The following BTBD10 variants were observed in gnomAD, a reference collection of about 807,000 sequenced individuals.
The protein encoded by BTBD10 is BTB/POZ domain-containing protein 10.
Under a neutral mutation model 53.2 loss-of-function variants are expected in BTBD10, and 21 were observed. The observed-to-expected ratio is 0.39, with a 90% confidence interval of 0.28 to 0.57. BTBD10 has a LOEUF of 0.57. BTBD10 is among the 20% of genes least tolerant of loss of function. The probability of loss-of-function intolerance (pLI) is 0.53; values close to 1 mark genes in which losing one functional copy is unlikely to be tolerated. For missense variants in BTBD10, 360 were observed against 594.7 expected, an observed-to-expected ratio of 0.61 and a Z score of 4.10; for synonymous variants, 149 against 192.7, an observed-to-expected ratio of 0.77 and a Z score of 1.88.
intron 2 of BTBD10, among the ~76,000 whole-genome samples, chr11:13,435,569 T>C (rs1003810663): frequency 1.3e-5 from 2 of 152,190 alleles, no homozygotes; most frequent in African/African-American, 4.8e-5. Context: ...CTCGGCTCAC[T>C]GCAACCTCCA....
At chr11:13,458,950 C>T (rs1322189618) in intron 1 of BTBD10, among the ~76,000 whole-genome samples, 1 of 151,938 alleles carries the variant, frequency 6.6e-6, no homozygotes, top group African/African-American at 2.4e-5. Flanking sequence ...TGTATGCCAC[C>T]CAAAAACAAG....
chr11:13,427,543 CCT>C (rs775678661), intron 2 of BTBD10, among the ~76,000 whole-genome samples: 90 of 152,218 alleles, frequency 5.9e-4, no homozygotes, highest in Admixed American at 8.5e-4. Flanking sequence ...GATTTCATCA[CCT>C]CTCTCACAAT....
chr11:13,391,916 C>G (rs1949417354), intron 8 of BTBD10, among the ~76,000 whole-genome samples: 1 of 152,208 alleles, frequency 6.6e-6, no homozygotes, highest in Non-Finnish European at 1.5e-5. Flanking sequence ...CGCATTCCAG[C>G]CTGGTGACAG....
chr11:13,445,144 C>T lies in BTBD10; in HGVS notation c.-20G>A. 3 of 1,578,802 alleles carry T rather than the reference C, an allele frequency of 1.9e-6. No individual in the cohort carries two copies. Among genetic ancestry groups the T allele is most frequent in the Non-Finnish European group, 2.6e-6 (3 of 1,148,300 alleles). On this transcript the variant is annotated 5_prime_UTR_variant, in exon 2 of 9. The change creates a new upstream start codon in the 5' untranslated region. Transcript: ENST00000278174. The stretch of plus-strand genomic sequence containing the variant: ...TGCCATCCCACTCCAAGCTTCCTCA[C>T]ACTACTGCTCTGAAAGCACACATGT...
chr11:13,402,381 T>C (rs923833701), intron 8 of BTBD10, among the ~76,000 whole-genome samples: 5 of 152,182 alleles, frequency 3.3e-5, no homozygotes, highest in African/African-American at 1.2e-4. Context: ...CATTCTATCC[T>C]TACAAAAACC....
At chr11:13,445,579 T>C (rs985979239) in intron 1 of BTBD10, among the ~76,000 whole-genome samples, 1 of 152,222 alleles carries the variant, frequency 6.6e-6, no homozygotes. Context: ...AAGTTTAAGA[T>C]GCTTAGGAAA....
At chr11:13,460,449 T>C (rs1248751391) in intron 1 of BTBD10, among the ~76,000 whole-genome samples, 1 of 152,134 alleles carries the variant, frequency 6.6e-6, no homozygotes, top group Non-Finnish European at 1.5e-5. Flanking sequence ...ATAACCCAAC[T>C]AGGTATGAAT....
intron 5 of BTBD10, among the ~76,000 whole-genome samples, chr11:13,414,821 C>A (rs539990658): frequency 8.1e-6 from 1 of 123,504 alleles, no homozygotes; most frequent in East Asian, 2.5e-4. Flanking sequence ...GCCTGGGCGA[C>A]GGAGCGAGCC....
rs543086677 is a variant in BTBD10, at chr11:13,416,345, C to T, written c.687+813G>A. 2.6e-5 allele frequency among the ~76,000 whole-genome samples: 4 copies of T among 152,018 alleles called. No individual in the cohort carries two copies. The South Asian group carries it at 6.2e-4, about 24-fold the overall frequency. ...CTGCAGCCTTGGCAACACAGTGAGA[C>T]CCTGTCTGGGGCAAAAAACAACAAC... is the stretch of plus-strand genomic sequence containing the variant. On this transcript the variant is annotated intron_variant, in intron 5 of 8. Transcript: ENST00000278174.
At chr11:13,391,960 TAGAC>T (rs898587527) in intron 8 of BTBD10, among the ~76,000 whole-genome samples, 12 of 151,988 alleles carry the variant, frequency 7.9e-5, no homozygotes, top group Admixed American at 1.3e-4. Flanking sequence ...GATAAATAGA[TAGAC>T]AGAAGACAGA....
intron 8 of BTBD10, among the ~76,000 whole-genome samples, chr11:13,392,008 T>C (rs1442914626): frequency 3.3e-5 from 5 of 152,186 alleles, no homozygotes; most frequent in African/African-American, 1.2e-4. Context: ...TGCCCCTGAC[T>C]TGCAGATTTA....
At chr11:13,454,993 C>G (rs1033497817) in intron 1 of BTBD10, among the ~76,000 whole-genome samples, 4 of 152,188 alleles carry the variant, frequency 2.6e-5, no homozygotes, top group African/African-American at 9.7e-5. Flanking sequence ...TCACTGCAAC[C>G]TCTGCCTCCC....
intron 4 of BTBD10, among the ~76,000 whole-genome samples, chr11:13,417,849 A>G (rs1950151795): frequency 6.6e-6 from 1 of 152,220 alleles, no homozygotes; most frequent in African/African-American, 2.4e-5. Context: ...GGAATGAAGA[A>G]ATAAGACAAG....
intron 8 of BTBD10, among the ~76,000 whole-genome samples, chr11:13,390,088 GA>G (rs1301808090): frequency 1.4e-5 from 2 of 144,924 alleles, no homozygotes; most frequent in African/African-American, 5.0e-5. Context: ...CCCTAGATTT[GA>G]AAAAAAAAAT....
At chr11:13,456,808 A>T (rs1247378417) in intron 1 of BTBD10, among the ~76,000 whole-genome samples, 1 of 152,130 alleles carries the variant, frequency 6.6e-6, no homozygotes, top group Non-Finnish European at 1.5e-5. Flanking sequence ...TTGGCCATAT[A>T]CTCTGTTGGT....
At chr11:13,459,280 G>A (rs998872545) in intron 1 of BTBD10, among the ~76,000 whole-genome samples, 5 of 151,704 alleles carry the variant, frequency 3.3e-5, no homozygotes, top group Admixed American at 3.3e-4. Context: ...GGATGGTCTC[G>A]ATCTCCTGAC....
At chr11:13,442,069 A>G (rs1041450334) in intron 2 of BTBD10, among the ~76,000 whole-genome samples, 2 of 152,176 alleles carry the variant, frequency 1.3e-5, no homozygotes, top group African/African-American at 4.8e-5. Context: ...CCAAGAAAAT[A>G]AGAGATTTCT....
intron 1 of BTBD10, among the ~76,000 whole-genome samples, chr11:13,461,208 G>A (rs781677678): frequency 2.0e-5 from 3 of 152,126 alleles, no homozygotes; most frequent in Non-Finnish European, 4.4e-5. Context: ...AACTGGAGAG[G>A]AGAATACAAC....
intron 8 of BTBD10, among the ~76,000 whole-genome samples, chr11:13,389,563 G>T (rs1949352504): frequency 6.6e-6 from 1 of 152,104 alleles, no homozygotes; most frequent in Admixed American, 6.5e-5. Context: ...GAGTAGCGCG[G>T]ATTACAGGCA....
Sources: allele counts gnomAD v4.1 joint callset (sites outside exome capture counted in the v4.1 genomes callset), GRCh38; gene constraint gnomAD v4.1.1; transcripts MANE v1.5; gene names NCBI Gene and HGNC (gene_info 2026-07-23, HGNC 2026-07-21).